VAT1L: variants seen among roughly 807,000 people sequenced by gnomAD.
VAT1L encodes the protein vesicle amine transport 1 like, also known as putative NADPH-dependent quinone oxidoreductase VAT1L.
Under a neutral mutation model 44.1 loss-of-function variants are expected in VAT1L, and 34 were observed. The observed-to-expected ratio is 0.77, with a 90% CI of 0.59 to 1.03. VAT1L has a LOEUF of 1.03. VAT1L is among the 50% of genes least tolerant of loss of function. VAT1L has a pLI of 0.00. For synonymous variants in VAT1L, 253 were observed against 202.2 expected, an observed-to-expected ratio of 1.25 and a Z score of -2.13; for missense variants, 615 against 538.8, an observed-to-expected ratio of 1.14 and a Z score of -1.40.
At chr16:77,896,908 C>G (rs935162109) in intron 7 of VAT1L, among the ~76,000 whole-genome samples, 3 of 152,212 alleles carry the variant, frequency 2.0e-5, no homozygotes, top group African/African-American at 7.2e-5. Context: ...AGAGTCAACT[C>G]ACACTGCCCT....
At chr16:77,817,127 A>G in intron 2 of VAT1L, 77 bp downstream of exon 2, 3 of 1,556,314 alleles carry the variant, frequency 1.9e-6, no homozygotes, top group Non-Finnish European at 1.7e-6. Context: ...GCAGAAAGAA[A>G]TGTCTGAAAT....
chr16:77,909,112 C>T (rs2017471732), intron 7 of VAT1L, among the ~76,000 whole-genome samples: 1 of 152,110 alleles, frequency 6.6e-6, no homozygotes, highest in East Asian at 1.9e-4. Context: ...TCATTTAATC[C>T]TCACAATAAC....
intron 3 of VAT1L, among the ~76,000 whole-genome samples, chr16:77,846,463 C>T (rs2145264184): frequency 6.6e-6 from 1 of 152,286 alleles, no homozygotes; most frequent in East Asian, 1.9e-4. Context: ...ATGCCACCTT[C>T]ACTACTGGCA....
chr16:77,965,619 G>A (rs1170049785), intron 7 of VAT1L, among the ~76,000 whole-genome samples: 2 of 152,184 alleles, frequency 1.3e-5, no homozygotes, highest in South Asian at 2.1e-4. Context: ...GGCCAGCCAC[G>A]CAGCTGGCCG....
chr16:77,972,841 A>T lies in VAT1L; in HGVS notation c.1161+908A>T, dbSNP rs974302049. Among the ~76,000 whole-genome samples, 7 of 150,112 alleles carry T rather than the reference A, an allele frequency of 4.7e-5. No individual in the cohort carries two copies. The South Asian group carries it at 6.2e-4, about 13-fold the overall frequency. Reference sequence around the variant, plus strand: ...TAATGTAAAATATAAATAAAAATATAATTTAAAATATTATTTATATTATTT... The same window carrying T: ...TAATGTAAAATATAAATAAAAATATTATTTAAAATATTATTTATATTATTT... On this transcript the variant is annotated intron_variant, in intron 8 of 8. Coordinates refer to ENST00000302536, the MANE Select transcript of VAT1L (RefSeq NM_020927.3).
At chr16:77,912,099 G>A (rs966460531) in intron 7 of VAT1L, among the ~76,000 whole-genome samples, 6 of 152,120 alleles carry the variant, frequency 3.9e-5, no homozygotes, top group African/African-American at 1.4e-4. Flanking sequence ...CAAACATTCA[G>A]TACACATTTA....
intron 3 of VAT1L, among the ~76,000 whole-genome samples, chr16:77,833,622 G>A (rs541695298): frequency 3.5e-4 from 54 of 152,174 alleles, no homozygotes; most frequent in African/African-American, 1.3e-3. Context: ...ATGGTGGCGT[G>A]TGCCTGTAAT....
Position 77,977,628 on chromosome 16 carries a change from C to T in VAT1L, c.1193C>T (p.Ala398Val), listed in dbSNP as rs763811073. 3.3e-5 allele frequency: 54 copies of T among 1,613,930 alleles called. No homozygotes were observed. The highest frequency in any genetic ancestry group is 4.6e-5 in the Non-Finnish European group (54 of 1,179,992). ...MANDSTETSE[A>V]GEEEEDHEGD... is the part of the protein sequence containing the mutation. ...AATGACAGCACAGAGACCAGTGAAG[C>T]AGGGGAAGAGGAGGAGGACCACGAG... The change falls in exon 9 of 9, where the codon GCA becomes GTA. Residue 398 changes from alanine (A) to valine (V), a missense_variant. Coordinates refer to ENST00000302536, the MANE Select transcript of VAT1L (RefSeq NM_020927.3).
At chr16:77,845,610 G>C (rs2016750695) in intron 3 of VAT1L, among the ~76,000 whole-genome samples, 1 of 152,114 alleles carries the variant, frequency 6.6e-6, no homozygotes, top group Admixed American at 6.6e-5. Flanking sequence ...GATCAGCCAA[G>C]ATGAACACAA....
At chr16:77,886,056 T>G (rs1047893774) in intron 7 of VAT1L, among the ~76,000 whole-genome samples, 2 of 152,208 alleles carry the variant, frequency 1.3e-5, no homozygotes, top group African/African-American at 4.8e-5. Context: ...GAAAATAAAC[T>G]GCAAGTCCAC....
intron 7 of VAT1L, among the ~76,000 whole-genome samples, chr16:77,914,510 A>G (rs955718826): frequency 6.6e-6 from 1 of 151,996 alleles, no homozygotes; most frequent in Non-Finnish European, 1.5e-5. Flanking sequence ...TGTGTAGATG[A>G]AAGAAAGTAA....
chr16:77,858,113 C>G (rs534375424), intron 3 of VAT1L, among the ~76,000 whole-genome samples: 1 of 152,136 alleles, frequency 6.6e-6, no homozygotes, highest in African/African-American at 2.4e-5. Context: ...GAGACACAGT[C>G]CCTGCCCCCA....
chr16:77,834,653 C>T (rs2016619253), intron 3 of VAT1L, among the ~76,000 whole-genome samples: 1 of 151,908 alleles, frequency 6.6e-6, no homozygotes, highest in Admixed American at 6.6e-5. Flanking sequence ...CCAGTCCCTG[C>T]ATTTGAGCTT....
rs60110679 is a variant in VAT1L, at chr16:77,927,064, C to T, written c.1077+42262C>T. On this transcript the variant is annotated intron_variant, in intron 7 of 8. Transcript: ENST00000302536. ...ACACATCAACACTGTTATGGCCCGG[C>T]GCGGTGGCTCACGCCTGTAATCCCA... 5.8e-3 allele frequency among the ~76,000 whole-genome samples: 879 copies of T among 152,176 alleles called. 7 individuals carry two copies. Among genetic ancestry groups the T allele is most frequent in the African/African-American group, 0.02 (835 of 41,506 alleles).
At chr16:77,871,797 A>C (rs1289320848) in intron 4 of VAT1L, among the ~76,000 whole-genome samples, 1 of 152,202 alleles carries the variant, frequency 6.6e-6, no homozygotes, top group African/African-American at 2.4e-5. Context: ...TAATTGCTCA[A>C]GAGTGTGGCA....
At chr16:77,885,565 G>C (rs2017201268) in intron 7 of VAT1L, among the ~76,000 whole-genome samples, 1 of 152,058 alleles carries the variant, frequency 6.6e-6, no homozygotes, top group Non-Finnish European at 1.5e-5. Flanking sequence ...AGAAACCTAA[G>C]TCAAGATTTC....
chr16:77,910,622 C>G (rs570246636), intron 7 of VAT1L, among the ~76,000 whole-genome samples: 1 of 147,398 alleles, frequency 6.8e-6, no homozygotes, highest in African/African-American at 2.5e-5. Flanking sequence ...TGCATTGAGC[C>G]GAGATCGCTC....
intron 3 of VAT1L, among the ~76,000 whole-genome samples, chr16:77,836,254 G>A (rs1199171992): frequency 6.6e-6 from 1 of 152,016 alleles, no homozygotes; most frequent in Non-Finnish European, 1.5e-5. Context: ...ACCACACAGT[G>A]GCCTCAGAAA....
chr16:77,798,539 A>G (rs4131053), intron 1 of VAT1L, among the ~76,000 whole-genome samples: 88,616 of 152,048 alleles, frequency 0.58, 26,465 homozygotes, highest in East Asian at 0.68. Context: ...GAATAAATGA[A>G]GTGTGTGTGC....
Sources: gnomAD v4.1 joint callset for allele counts (sites outside exome capture counted in the v4.1 genomes callset) on GRCh38, gnomAD v4.1.1 for gene constraint, MANE v1.5 for transcripts, NCBI Gene and HGNC (gene_info 2026-07-23, HGNC 2026-07-21) for gene names.